Variants in ADAMTS14 observed in about 807,000 individuals in gnomAD.
The protein encoded by ADAMTS14 is A disintegrin and metalloproteinase with thrombospondin motifs 14.
A neutral mutation model predicts 128.6 loss-of-function variants in ADAMTS14; 100 were observed. That is an observed-to-expected ratio of 0.78 (90% CI 0.66 to 0.92). The LOEUF is 0.92. ADAMTS14 is among the 40% of genes least tolerant of loss of function. The probability of loss-of-function intolerance (pLI) is 0.00; values close to 1 mark genes in which losing one functional copy is unlikely to be tolerated. For synonymous variants in ADAMTS14, 665 were observed against 653.8 expected (o/e 1.02, Z -0.26); for missense variants, 1,562 against 1,658.6 (o/e 0.94, Z 1.01).
intron 11 of ADAMTS14, among the ~76,000 whole-genome samples, chr10:70,740,175 T>C (rs1841951239): frequency 1.3e-5 from 2 of 152,210 alleles, no homozygotes; most frequent in South Asian, 2.1e-4. Context: ...GCTGCTGTTA[T>C]AGTAATCATT....
intron 19 of ADAMTS14, among the ~76,000 whole-genome samples, chr10:70,755,525 A>G (rs558923342): frequency 6.6e-6 from 1 of 152,272 alleles, no homozygotes; most frequent in South Asian, 2.1e-4. Context: ...GAATGTGCTT[A>G]ATGCCACTGA....
intron 14 of ADAMTS14, 101 bp downstream of exon 14, chr10:70,744,290 G>C: frequency 7.3e-7 from 1 of 1,362,122 alleles, no homozygotes; most frequent in South Asian, 1.8e-5. Context: ...GTCTGGGGTG[G>C]GGAGAAGGGG....
At position 70,753,928 on chromosome 10, in the gene ADAMTS14, C is replaced by T. The variant is rs754471674; in HGVS notation, c.2858C>T (p.Ala953Val). The change falls in exon 19 of 22, where the codon GCC (alanine) becomes GTC (valine). Residue 953 changes from alanine to valine, a missense_variant. By Grantham distance (64) the Ala-to-Val change is moderately conservative (BLOSUM62 0). Transcript: ENST00000373207. ...THKVMPAKAC[A>V]GDRPEARRPC... Reference sequence around the variant, plus strand: ...AAGGTCATGCCGGCCAAAGCCTGCGCCGGGGACCGGCCTGAGGCCCGACGG... The same window carrying T: ...AAGGTCATGCCGGCCAAAGCCTGCGTCGGGGACCGGCCTGAGGCCCGACGG... 1 of 1,588,292 alleles carries T rather than the reference C, an allele frequency of 6.3e-7. No individual in the cohort carries two copies.
At chr10:70,684,034 T>C (rs1839887738) in intron 2 of ADAMTS14, among the ~76,000 whole-genome samples, 1 of 151,958 alleles carries the variant, frequency 6.6e-6, no homozygotes, top group Admixed American at 6.6e-5. Flanking sequence ...CTGCAGGTTG[T>C]ACAGGAAGCA....
chr10:70,692,337 C>G (rs1052500470), intron 2 of ADAMTS14, among the ~76,000 whole-genome samples: 9 of 152,116 alleles, frequency 5.9e-5, no homozygotes, highest in Non-Finnish European at 1.0e-4. Context: ...ATTTCCCATG[C>G]CTTATTTCAT....
rs1839594691 is a variant in ADAMTS14, at chr10:70,674,828, T to C, written c.355T>C (p.Leu119=). ...NVTVFGKELH[L]RLRPNRRLVV... The stretch of plus-strand genomic sequence containing the variant: ...CACTGTTTTCGGGAAGGAACTGCAC[T>C]TGCGCCTGCGGCCCAATCGGAGGTT... Residue 119 remains leucine (L), a synonymous_variant, in exon 2 of 22, where the codon TTG becomes CTG. Transcript: ENST00000373207. 6.2e-7 allele frequency: 1 copy of C among 1,613,942 alleles called. No homozygotes were observed. The highest frequency in any genetic ancestry group is 1.3e-5 in the African/African-American group (1 of 75,072).
chr10:70,713,351 G>A (rs1840920498), intron 4 of ADAMTS14, among the ~76,000 whole-genome samples: 1 of 152,046 alleles, frequency 6.6e-6, no homozygotes, highest in Non-Finnish European at 1.5e-5. Context: ...TGGGGTGGGG[G>A]TCAGGGTTCT....
chr10:70,673,621 G>T (rs1421634592), intron 1 of ADAMTS14, among the ~76,000 whole-genome samples: 1 of 152,204 alleles, frequency 6.6e-6, no homozygotes, highest in African/African-American at 2.4e-5. Flanking sequence ...TAATGGGGAT[G>T]AAACTAGAGC....
intron 4 of ADAMTS14, among the ~76,000 whole-genome samples, chr10:70,710,578 T>C (rs1352847548): frequency 6.6e-6 from 1 of 152,260 alleles, no homozygotes; most frequent in African/African-American, 2.4e-5. Context: ...TGCAATTGAT[T>C]GTGCTACGGC....
chr10:70,677,342 C>T (rs1839676559), intron 2 of ADAMTS14, among the ~76,000 whole-genome samples: 1 of 152,166 alleles, frequency 6.6e-6, no homozygotes, highest in South Asian at 2.1e-4. Flanking sequence ...TAAATGTTCT[C>T]ATTAGCTGTG....
At position 70,743,603 on chromosome 10, in the gene ADAMTS14, C is replaced by T. The variant is rs756677476; in HGVS notation, c.1980C>T (p.Phe660=). Residue 660 remains phenylalanine, a synonymous_variant, in exon 13 of 22, where the codon TTC becomes TTT. Transcript: ENST00000373207. ...CGGCGGACACGGGGGACGTGGTGTTCATGAACCAGGTGGTTCACGATGGGA... is the reference window on the plus strand; with the variant it reads ...CGGCGGACACGGGGGACGTGGTGTTTATGAACCAGGTGGTTCACGATGGGA... ...CQSADTGDVV[F]MNQVVHDGTR... The T allele has an allele frequency of 2.5e-6, 4 of 1,613,026 alleles. No individual in the cohort carries two copies. The highest frequency in any genetic ancestry group is 2.7e-5 in the African/African-American group (2 of 74,992).
intron 6 of ADAMTS14, among the ~76,000 whole-genome samples, chr10:70,730,909 C>T (rs1374594172): frequency 6.6e-6 from 1 of 152,156 alleles, no homozygotes; most frequent in Non-Finnish European, 1.5e-5. Flanking sequence ...GTTTAGCAGA[C>T]AGGAGGCAGA....
intron 8 of ADAMTS14, 109 bp downstream of exon 8, chr10:70,734,137 T>C: frequency 7.0e-7 from 1 of 1,420,310 alleles, no homozygotes; most frequent in African/African-American, 1.4e-5. Context: ...GGCTTGACTC[T>C]TCCGTGACTC....
chr10:70,752,025 C>A, intron 17 of ADAMTS14, 70 bp from the exon 18 acceptor site: 2 of 1,558,480 alleles, frequency 1.3e-6, no homozygotes, highest in South Asian at 1.2e-5. Flanking sequence ...CAGGTACTGC[C>A]CCTGAGGCCC....
chr10:70,733,815 GC>G, intron 7 of ADAMTS14, 69 bp from the exon 8 acceptor site: 1 of 1,549,732 alleles, frequency 6.5e-7, no homozygotes, highest in South Asian at 1.2e-5. Context: ...CTGCTGGCCT[GC>G]CTGCCTGCCT....
intron 21 of ADAMTS14, 55 bp downstream of exon 21, chr10:70,758,340 T>C: frequency 6.7e-7 from 1 of 1,494,406 alleles, no homozygotes; most frequent in Non-Finnish European, 9.1e-7. Context: ...GTGGCCCTGG[T>C]GTTGCAGCAT....
intron 12 of ADAMTS14, among the ~76,000 whole-genome samples, chr10:70,743,039 A>G (rs1480216060): frequency 6.6e-6 from 1 of 152,206 alleles, no homozygotes; most frequent in Admixed American, 6.5e-5. Context: ...TAAGGTTAGA[A>G]TCCAGGCTGA....
intron 2 of ADAMTS14, among the ~76,000 whole-genome samples, chr10:70,702,007 A>G (rs1375719391): frequency 6.6e-6 from 1 of 152,208 alleles, no homozygotes; most frequent in South Asian, 2.1e-4. Flanking sequence ...TTTATAAGCA[A>G]TGGAAGCTCT....
chr10:70,749,470 T>C (rs1050189126), intron 15 of ADAMTS14, among the ~76,000 whole-genome samples: 13 of 152,164 alleles, frequency 8.5e-5, no homozygotes, highest in Non-Finnish European at 7.3e-5. Context: ...CCCTGAGGAC[T>C]GGGCAACCAA....
Sources: allele counts gnomAD v4.1 joint callset (sites outside exome capture counted in the v4.1 genomes callset), GRCh38; gene constraint gnomAD v4.1.1; transcripts MANE v1.5; gene names NCBI Gene and HGNC (gene_info 2026-07-23, HGNC 2026-07-21).